The following TRPM2 variants were observed in gnomAD, a reference collection of about 807,000 sequenced individuals.
The protein encoded by TRPM2 is transient receptor potential cation channel subfamily M member 2.
A neutral mutation model predicts 174.0 loss-of-function variants in TRPM2; 161 were observed. The observed-to-expected ratio is 0.93, with a 90% CI of 0.81 to 1.05. The LOEUF is 1.05. Ranked by LOEUF, TRPM2 falls within the 50% of genes least tolerant of loss-of-function variation. The probability of loss-of-function intolerance (pLI) is 0.00; values close to 1 mark genes in which losing one functional copy is unlikely to be tolerated. For synonymous variants in TRPM2, 954 were observed against 861.3 expected, an observed-to-expected ratio of 1.11 and a Z score of -1.88; for missense variants, 2,057 against 2,038.0, an observed-to-expected ratio of 1.01 and a Z score of -0.18.
chr21:44,420,847 G>A (rs771136311), intron 22 of TRPM2, among the ~76,000 whole-genome samples: 12 of 152,138 alleles, frequency 7.9e-5, no homozygotes, highest in South Asian at 4.2e-4. Context: ...GCATCATCTC[G>A]CTCAACCCTT....
At chr21:44,375,107 G>A (rs745753429) in intron 5 of TRPM2, among the ~76,000 whole-genome samples, 8 of 152,094 alleles carry the variant, frequency 5.3e-5, no homozygotes, top group Non-Finnish European at 1.0e-4. Context: ...CATGAGATCC[G>A]CTATGTCGTC....
At chr21:44,359,695 G>T (rs1189282011) in intron 2 of TRPM2, among the ~76,000 whole-genome samples, 1 of 150,698 alleles carries the variant, frequency 6.6e-6, no homozygotes, top group Non-Finnish European at 1.5e-5. Flanking sequence ...GCACTGATTG[G>T]TCCATTTTTT....
chr21:44,402,256 T>A (rs188994743), intron 16 of TRPM2, among the ~76,000 whole-genome samples: 20 of 152,144 alleles, frequency 1.3e-4, no homozygotes, highest in Admixed American at 3.9e-4. Flanking sequence ...TCACGTTCAA[T>A]AACGAGCCAG....
rs1202272726 is a variant in TRPM2 at position 44,438,404 on chromosome 21, G to A, written c.4168-663G>A. ...AGAGGGGCACTCTGAGGGGCCTCCT[G>A]GGTTCCTGGCTCTGTAGGGCACGCA... On this transcript the variant is annotated intron_variant, in intron 29 of 31. Transcript: ENST00000397928. The surrounding 1 kb of genome is among the most constrained non-coding windows in gnomAD (Gnocchi z 5.9). 6.6e-6 allele frequency among the ~76,000 whole-genome samples: 1 copy of A among 152,212 alleles called. No individual in the cohort carries two copies. The highest frequency in any genetic ancestry group is 1.9e-4 in the East Asian group (1 of 5,194).
At position 44,414,031 on chromosome 21, in the gene TRPM2, T is replaced by C. The variant is rs752795081; in HGVS notation, c.3103T>C (p.Phe1035Leu). The change falls in exon 20 of 32, where the codon TTC (phenylalanine) becomes CTC (leucine). Residue 1035 changes from phenylalanine (F) to leucine (L), a missense_variant. Physicochemically the swap from Phe to Leu is conservative, Grantham distance 22. Coordinates refer to ENST00000397928, the MANE Select transcript of TRPM2 (RefSeq NM_003307.4). ...CCTCCTACTCTGCCTCTACCTGCTC[T>C]TCACCAACATCCTGCTGCTCAACCT... The part of the protein sequence containing the change: ...TVLLLCLYLL[F>L]TNILLLNLLI... 3.7e-5 allele frequency: 59 copies of C among 1,613,414 alleles called. No individual in the cohort carries two copies. The highest frequency in any genetic ancestry group is 4.7e-5 in the Non-Finnish European group (56 of 1,179,982).
At chr21:44,368,338 C>T (rs1350095329) in intron 4 of TRPM2, among the ~76,000 whole-genome samples, 1 of 152,128 alleles carries the variant, frequency 6.6e-6, no homozygotes, top group Admixed American at 6.5e-5. Context: ...AACTCCTGGG[C>T]TCAAGTAATC....
Position 44,441,862 on chromosome 21 carries a change from C to A in TRPM2, c.*45C>A, listed in dbSNP as rs762192768. ...GGCTCCAGTCCATAGACGTTCCCCC[C>A]AGAAACCAGGGCTTCTCTCTCCTGA... On this transcript the variant is annotated 3_prime_UTR_variant, in exon 32 of 32. Transcript: ENST00000397928. 1.9e-6 allele frequency: 3 copies of A among 1,546,476 alleles called. No individual in the cohort carries two copies. Among genetic ancestry groups the A allele is most frequent in the South Asian group, 1.2e-5 (1 of 81,576 alleles).
chr21:44,357,051 T>G (rs1330532547), intron 2 of TRPM2, among the ~76,000 whole-genome samples: 1 of 152,226 alleles, frequency 6.6e-6, no homozygotes, highest in African/African-American at 2.4e-5. Flanking sequence ...CAGCAGGGTC[T>G]TTGTGACCTG....
Position 44,369,291 on chromosome 21 carries a change from G to C in TRPM2, c.719G>C (p.Gly240Ala), listed in dbSNP as rs1335137331. 6.2e-7 allele frequency: 1 copy of C among 1,613,778 alleles called. No individual in the cohort carries two copies. Among genetic ancestry groups the C allele is most frequent in the Non-Finnish European group, 8.5e-7 (1 of 1,179,904 alleles). ...SYKEGELITI[G>A]VATWGTVHRR... ...AAGGAAGGCGAGCTCATCACCATCG[G>C]AGTCGCCACCTGGGGCACTGTCCAC... The change falls in exon 5 of 32, where the codon GGA becomes GCA. Residue 240 changes from glycine to alanine, a missense_variant. Transcript: ENST00000397928.
chr21:44,418,083 T>C lies in TRPM2; in HGVS notation c.3303T>C (p.Thr1101=). 1 of 1,612,416 alleles carries C rather than the reference T, an allele frequency of 6.2e-7. No individual in the cohort carries two copies. Among genetic ancestry groups the C allele is most frequent in the Non-Finnish European group, 8.5e-7 (1 of 1,179,738 alleles). Residue 1101 remains threonine (T), a synonymous_variant, in exon 21 of 32, where the codon ACT becomes ACC. Coordinates refer to ENST00000397928, the MANE Select transcript of TRPM2 (RefSeq NM_003307.4). ...QLFIKRVVLK[T]PAKRHKQLKN... ...TCATCAAGAGGGTGGTCCTGAAGACTCCGGCCAAGAGGCACAAGCAGCTCA... is the reference window on the plus strand; with the variant it reads ...TCATCAAGAGGGTGGTCCTGAAGACCCCGGCCAAGAGGCACAAGCAGCTCA...
intron 19 of TRPM2, among the ~76,000 whole-genome samples, chr21:44,409,942 G>T (rs564152917): frequency 2.3e-4 from 34 of 148,586 alleles, no homozygotes; most frequent in African/African-American, 8.5e-4. Context: ...GTGCTGTCTT[G>T]GTTGGCGTAG....
At chr21:44,436,564 C>CGTCACCCCCAT (rs1293356727) in intron 28 of TRPM2, among the ~76,000 whole-genome samples, 1 of 134,910 alleles carries the variant, frequency 7.4e-6, no homozygotes, top group Non-Finnish European at 1.6e-5. Flanking sequence ...TGGCACCCCA[C>CGTCACCCCCAT]GTCACCCCCA....
intron 31 of TRPM2, 92 bp from the exon 32 acceptor site, chr21:44,441,600 G>A: frequency 2.1e-6 from 3 of 1,446,434 alleles, no homozygotes; most frequent in Non-Finnish European, 2.7e-6. Flanking sequence ...AGGGTGTGCA[G>A]GCCCCAAGCC....
intron 27 of TRPM2, among the ~76,000 whole-genome samples, chr21:44,433,187 A>G (rs2238725): frequency 0.84 from 128,497 of 152,226 alleles, 54,560 homozygotes; most frequent in East Asian, 0.95. Flanking sequence ...GCAGGCCCCT[A>G]ACCTCCCTCC....
In TRPM2 at chr21:44,376,991, C is replaced by T. The variant is rs1293347098; in HGVS notation, c.953-721C>T. Among the ~76,000 whole-genome samples, 1 of 151,426 alleles carries T rather than the reference C, an allele frequency of 6.6e-6. No homozygotes were observed. The highest frequency in any genetic ancestry group is 1.5e-5 in the Non-Finnish European group (1 of 67,922). ...ACGTTCCCTGGTGAGGACGATGCTGCAGTTCAGGGACCAGGGACCACACTT... is the reference window on the plus strand; with the variant it reads ...ACGTTCCCTGGTGAGGACGATGCTGTAGTTCAGGGACCAGGGACCACACTT... On this transcript the variant is annotated intron_variant, in intron 6 of 31. Transcript: ENST00000397928. The surrounding 1 kb of genome is among the most constrained non-coding windows in gnomAD (Gnocchi z 4.2).
chr21:44,405,809 A>T, intron 17 of TRPM2, 96 bp from the exon 18 acceptor site: 1 of 1,485,292 alleles, frequency 6.7e-7, no homozygotes, highest in Non-Finnish European at 9.0e-7. Flanking sequence ...TCCAGGGCCC[A>T]CCTGGGCTAG....
chr21:44,416,643 T>C (rs889016930), intron 20 of TRPM2: 3 of 184,986 alleles, frequency 1.6e-5, no homozygotes, highest in Non-Finnish European at 2.3e-5. Flanking sequence ...CTTCTCCTTT[T>C]TTCTTGCTTT....
chr21:44,404,464 A>C (rs1313434857), intron 16 of TRPM2, among the ~76,000 whole-genome samples: 2 of 152,180 alleles, frequency 1.3e-5, no homozygotes, highest in African/African-American at 2.4e-5. Context: ...ATATGCACAC[A>C]CAGGTGCTGA....
Position 44,391,038 on chromosome 21 carries a change from G to A in TRPM2, c.1440+13G>A, listed in dbSNP as rs775108948. On this transcript the variant is annotated intron_variant, in intron 10 of 31. Transcript: ENST00000397928. This position sits in a 1 kb window ranked among gnomAD's most constrained non-coding sequence, Gnocchi z 5.0. ...GTGGCAGTGGAAGGTAAGTCTTCCA[G>A]AGCACCCCGTGGAGGGGCCTACTGG... 9.9e-6 allele frequency: 16 copies of A among 1,613,622 alleles called. No individual in the cohort carries two copies. Among genetic ancestry groups the A allele is most frequent in the Non-Finnish European group, 1.3e-5 (15 of 1,180,020 alleles).
Sources: allele counts gnomAD v4.1 joint callset (sites outside exome capture counted in the v4.1 genomes callset), GRCh38; gene constraint gnomAD v4.1.1; non-coding constraint Gnocchi (gnomAD v3.1); transcripts MANE v1.5; gene names NCBI Gene and HGNC (gene_info 2026-07-23, HGNC 2026-07-21).